CBFB: variants seen among roughly 807,000 people sequenced by gnomAD.
The protein encoded by CBFB is CBF-beta.
CBFB carries 9 observed loss-of-function variants against 30.4 expected under a neutral mutation model. The ratio of observed to expected loss-of-function variants is 0.30; its 90% CI spans 0.18 to 0.52. The LOEUF (loss-of-function observed/expected upper bound fraction) is 0.52. Among genes scored for constraint, CBFB ranks in the 20% least tolerant of loss-of-function variants. The probability of loss-of-function intolerance (pLI) is 0.97; values close to 1 mark genes in which losing one functional copy is unlikely to be tolerated. For synonymous variants in CBFB, 94 were observed against 84.0 expected, an observed-to-expected ratio of 1.12 and a Z score of -0.65; for missense variants, 170 against 244.0, an observed-to-expected ratio of 0.70 and a Z score of 2.02.
At chr16:67,078,208 A>C (rs1961460242) in intron 4 of CBFB, among the ~76,000 whole-genome samples, 1 of 152,256 alleles carries the variant, frequency 6.6e-6, no homozygotes, top group African/African-American at 2.4e-5. Flanking sequence ...CATTTGTTAA[A>C]GTGTGAACTC....
intron 3 of CBFB, among the ~76,000 whole-genome samples, chr16:67,051,284 T>C (rs1966734643): frequency 1.3e-5 from 2 of 152,192 alleles, no homozygotes; most frequent in South Asian, 2.1e-4. Flanking sequence ...CATGTGGCTG[T>C]TGAACACTTA....
intron 5 of CBFB, among the ~76,000 whole-genome samples, chr16:67,088,892 G>C (rs1961804094): frequency 6.6e-6 from 1 of 152,168 alleles, no homozygotes; most frequent in Admixed American, 6.5e-5. Flanking sequence ...ATTACTAAGG[G>C]GGGAAGCAGA....
intron 2 of CBFB, among the ~76,000 whole-genome samples, chr16:67,033,712 C>T (rs967592073): frequency 2.5e-4 from 37 of 150,724 alleles, no homozygotes; most frequent in Non-Finnish European, 3.5e-4. Context: ...CCTGGGTTCA[C>T]GCCATTCTCC....
chr16:67,081,841 T>C (rs1341511009), intron 4 of CBFB, among the ~76,000 whole-genome samples: 2 of 151,660 alleles, frequency 1.3e-5, no homozygotes, highest in African/African-American at 4.8e-5. Flanking sequence ...TTCTTTTTTT[T>C]TCTTTTCCTT....
intron 2 of CBFB, among the ~76,000 whole-genome samples, chr16:67,031,125 CAA>C (rs1966336069): frequency 6.6e-6 from 1 of 152,114 alleles, no homozygotes; most frequent in Admixed American, 6.5e-5. Flanking sequence ...TCACTGAACT[CAA>C]ATTTATTTTT....
At chr16:67,059,622 C>A (rs1313541154) in intron 3 of CBFB, among the ~76,000 whole-genome samples, 3 of 152,188 alleles carry the variant, frequency 2.0e-5, no homozygotes, top group Non-Finnish European at 2.9e-5. Flanking sequence ...TTAAATGGGG[C>A]CTGTAACAAC....
At chr16:67,040,627 A>G (rs1246068393) in intron 3 of CBFB, among the ~76,000 whole-genome samples, 1 of 152,238 alleles carries the variant, frequency 6.6e-6, no homozygotes, top group Non-Finnish European at 1.5e-5. Context: ...TGTTACGTGT[A>G]CTGAGCATTG....
chr16:67,097,510 A>C (rs1385091813), intron 5 of CBFB, among the ~76,000 whole-genome samples: 2 of 148,384 alleles, frequency 1.3e-5, no homozygotes, highest in Non-Finnish European at 1.5e-5. Context: ...GCGCCACTGC[A>C]CTCCAGCCTG....
intron 4 of CBFB, among the ~76,000 whole-genome samples, chr16:67,080,253 G>A (rs1206795263): frequency 6.6e-6 from 1 of 152,200 alleles, no homozygotes; most frequent in African/African-American, 2.4e-5. Flanking sequence ...AGATTGGGTT[G>A]AGGAGTGACC....
rs879354720 is a variant in CBFB at position 67,072,277 on chromosome 16, AAAC to A, written c.399+5484_399+5486del. ...ATTTTTAAAAATACGTTTTTAAATAAAACAACATGTGCACATTACAGCAAAATA... is the reference window on the plus strand; with the variant it reads ...ATTTTTAAAAATACGTTTTTAAATAAAACATGTGCACATTACAGCAAAATA... On this transcript the variant is annotated intron_variant, in intron 4 of 5. Transcript: ENST00000412916. 3.9e-5 allele frequency among the ~76,000 whole-genome samples: 6 copies of A among 152,312 alleles called. 1 individual carries two copies. Among genetic ancestry groups the A allele is most frequent in the East Asian group, 3.9e-4 (2 of 5,192 alleles).
chr16:67,090,697 A>G (rs1961857200), intron 5 of CBFB, among the ~76,000 whole-genome samples: 1 of 152,226 alleles, frequency 6.6e-6, no homozygotes, highest in Admixed American at 6.5e-5. Flanking sequence ...CTATTATCTT[A>G]AAAATGCCTA....
At chr16:67,097,775 C>G (rs1322956016) in intron 5 of CBFB, among the ~76,000 whole-genome samples, 1 of 152,008 alleles carries the variant, frequency 6.6e-6, no homozygotes, top group African/African-American at 2.4e-5. Flanking sequence ...TAAATTAGTT[C>G]TAGCCAGGTC....
At chr16:67,045,749 T>C (rs535049974) in intron 3 of CBFB, among the ~76,000 whole-genome samples, 1 of 152,078 alleles carries the variant, frequency 6.6e-6, no homozygotes, top group East Asian at 1.9e-4. Flanking sequence ...ATAATATGTC[T>C]GAGAAGAGCA....
chr16:67,051,496 A>C (rs1487980167), intron 3 of CBFB, among the ~76,000 whole-genome samples: 1 of 152,062 alleles, frequency 6.6e-6, no homozygotes, highest in African/African-American at 2.4e-5. Context: ...ATATGTACAC[A>C]CACACATACA....
At chr16:67,033,797 G>A (rs1468084892) in intron 2 of CBFB, among the ~76,000 whole-genome samples, 1 of 142,450 alleles carries the variant, frequency 7.0e-6, no homozygotes, top group Non-Finnish European at 1.5e-5. Context: ...TGTATTTTTA[G>A]TAGAGACAGA....
chr16:67,046,527 A>G (rs77485876), intron 3 of CBFB, among the ~76,000 whole-genome samples: 3,170 of 152,208 alleles, frequency 0.021, 103 homozygotes, highest in African/African-American at 0.072. Context: ...TAGTTTTTCA[A>G]TCAGCATTAT....
intron 2 of CBFB, 77 bp from the exon 3 acceptor site, chr16:67,036,562 T>A: frequency 1.2e-6 from 1 of 819,482 alleles, no homozygotes; most frequent in Non-Finnish European, 2.2e-6. Flanking sequence ...CATAAACTGA[T>A]GTAAAAATAA....
chr16:67,057,137 C>A (rs1567612225), intron 3 of CBFB, among the ~76,000 whole-genome samples: 1 of 151,932 alleles, frequency 6.6e-6, no homozygotes, highest in Non-Finnish European at 1.5e-5. Context: ...CACCTGCCAC[C>A]ATGCCCGGCT....
At chr16:67,081,528 A>G (rs540537998) in intron 4 of CBFB, among the ~76,000 whole-genome samples, 52 of 152,210 alleles carry the variant, frequency 3.4e-4, no homozygotes, top group Non-Finnish European at 6.3e-4. Flanking sequence ...AAGGCTGGAC[A>G]AGGTGGCTTG....
Sources: gnomAD v4.1 joint callset for allele counts (sites outside exome capture counted in the v4.1 genomes callset) on GRCh38, gnomAD v4.1.1 for gene constraint, MANE v1.5 for transcripts, NCBI Gene and HGNC (gene_info 2026-07-23, HGNC 2026-07-21) for gene names.